The following NAV3 variants were observed in gnomAD, a reference collection of about 807,000 sequenced individuals.
NAV3 encodes the protein neuron navigator 3.
Under a neutral mutation model 244.7 loss-of-function variants are expected in NAV3, and 87 were observed. That is an observed-to-expected ratio of 0.36 (90% CI 0.30 to 0.42). The LOEUF is 0.42. Among genes scored for constraint, NAV3 ranks in the 20% least tolerant of loss-of-function variants. NAV3 has a pLI of 1.00. For synonymous variants in NAV3, 1,126 were observed against 1,042.2 expected (o/e 1.08, Z -1.55); for missense variants, 2,663 against 2,893.3 (o/e 0.92, Z 1.83).
chr12:78,112,332 T>A (rs1955139569), intron 12 of NAV3, among the ~76,000 whole-genome samples: 1 of 152,208 alleles, frequency 6.6e-6, no homozygotes, highest in South Asian at 2.1e-4. Context: ...GAATGTGAGC[T>A]TTTTATATCC....
rs1382291778 is a variant in NAV3 at position 78,006,938 on chromosome 12, A to T, written c.1400A>T (p.Glu467Val). Residue 467 changes from glutamate to valine, a missense_variant, in exon 8 of 40, where the codon GAA becomes GTA. By Grantham distance (121) the Glu-to-Val change is moderately radical. This residue lies in a region of NAV3 where 1,521 missense variants were observed against 1,497.0 expected (regional missense o/e 1.02). Transcript: ENST00000397909. The stretch of plus-strand genomic sequence containing the variant: ...AAAAAGTCTTTGCTACAGCCAAAGG[A>T]AAAAGAAGAAAAGAACAGGGACAAA... ...SNKKSLLQPK[E>V]KEEKNRDKNK... 6.2e-7 allele frequency: 1 copy of T among 1,613,808 alleles called. No individual in the cohort carries two copies. Among genetic ancestry groups the T allele is most frequent in the Non-Finnish European group, 8.5e-7 (1 of 1,179,962 alleles).
At chr12:78,033,746 C>A (rs1030350351) in intron 9 of NAV3, among the ~76,000 whole-genome samples, 2 of 152,174 alleles carry the variant, frequency 1.3e-5, no homozygotes, top group African/African-American at 2.4e-5. Context: ...CTCCATTGGA[C>A]TGAGCCCATC....
At chr12:77,992,360 T>C (rs1254687557) in intron 5 of NAV3, among the ~76,000 whole-genome samples, 1 of 152,194 alleles carries the variant, frequency 6.6e-6, no homozygotes, top group Non-Finnish European at 1.5e-5. Flanking sequence ...ATTATAGATA[T>C]TTAATTAGTA....
intron 11 of NAV3, among the ~76,000 whole-genome samples, chr12:78,054,776 G>A (rs563569912): frequency 3.6e-4 from 55 of 152,202 alleles, no homozygotes; most frequent in African/African-American, 1.3e-3. Flanking sequence ...AAATAGTACC[G>A]TTAGAGAAAA....
chr12:77,628,619 C>G (rs1260218963), intron 2 of NAV3, among the ~76,000 whole-genome samples: 5 of 152,028 alleles, frequency 3.3e-5, no homozygotes, highest in Non-Finnish European at 5.9e-5. Flanking sequence ...TGTGGTGGCT[C>G]TTGCCTGTAA....
At chr12:78,117,159 A>C (rs2694681) in intron 13 of NAV3, among the ~76,000 whole-genome samples, 1 of 12,964 alleles carries the variant, frequency 7.7e-5, no homozygotes, top group African/African-American at 3.6e-4. Flanking sequence ...CAGAAGCAGC[A>C]TATATATATA....
At chr12:77,859,758 C>CAAAAAAAAAAAAAA (rs61516625) in intron 1 of NAV3, among the ~76,000 whole-genome samples, 4 of 68,722 alleles carry the variant, frequency 5.8e-5, no homozygotes, top group Admixed American at 2.2e-4. Flanking sequence ...CTTTCAAATG[C>CAAAAAAAAAAAAAA]AAAAAAAAAA....
chr12:77,919,701 G>A (rs1887517244), intron 1 of NAV3, among the ~76,000 whole-genome samples: 1 of 151,974 alleles, frequency 6.6e-6, no homozygotes, highest in Admixed American at 6.6e-5. Context: ...GCAAACATCT[G>A]TTTCCTTATG....
At chr12:78,021,552 C>G (rs1006325909) in intron 8 of NAV3, among the ~76,000 whole-genome samples, 195 bp from the exon 9 acceptor site, 2 of 152,112 alleles carry the variant, frequency 1.3e-5, no homozygotes, top group Non-Finnish European at 2.9e-5. Flanking sequence ...AATTCCACAT[C>G]TCACTCCCAC....
At chr12:77,585,560 G>A (rs901243002) in intron 2 of NAV3, among the ~76,000 whole-genome samples, 1 of 152,172 alleles carries the variant, frequency 6.6e-6, no homozygotes, top group African/African-American at 2.4e-5. Flanking sequence ...GGATGAAACT[G>A]TTCTACCTCA....
At chr12:78,175,979 T>A (rs929891431) in intron 25 of NAV3, among the ~76,000 whole-genome samples, 2 of 151,912 alleles carry the variant, frequency 1.3e-5, no homozygotes, top group African/African-American at 4.8e-5. Flanking sequence ...AAACTCTCAT[T>A]CCACCTTTGG....
intron 1 of NAV3, among the ~76,000 whole-genome samples, chr12:77,853,838 CTGTT>C (rs1458315447): frequency 1.3e-5 from 2 of 152,182 alleles, no homozygotes; most frequent in Non-Finnish European, 2.9e-5. Context: ...AATTCTCTCT[CTGTT>C]AGTTCCACTT....
intron 2 of NAV3, among the ~76,000 whole-genome samples, chr12:77,663,522 C>CTTTTTT (rs4017472): frequency 2.2e-5 from 3 of 139,350 alleles, no homozygotes; most frequent in African/African-American, 8.0e-5. Context: ...TCTTCTTCTT[C>CTTTTTT]TTTTTTTTTT....
rs12306272 is a variant in NAV3, at chr12:77,907,896, A to T, written c.244-32423A>T. Among the ~76,000 whole-genome samples the T allele has an allele frequency of 6.1e-3, 922 of 152,198 alleles. 12 individuals are homozygous for T. The highest frequency in any genetic ancestry group is 0.021 in the African/African-American group (853 of 41,554). ...GTCTACATAACGTTACATGTGTATCACATACTTGTAAGGATGTGTGGATGT... is the reference window on the plus strand; with the variant it reads ...GTCTACATAACGTTACATGTGTATCTCATACTTGTAAGGATGTGTGGATGT... On this transcript the variant is annotated intron_variant, in intron 1 of 39. Transcript: ENST00000397909.
chr12:78,126,007 G>A (rs1955890484), intron 16 of NAV3, among the ~76,000 whole-genome samples: 1 of 151,998 alleles, frequency 6.6e-6, no homozygotes, highest in Non-Finnish European at 1.5e-5. Context: ...GTTCATATTT[G>A]GAGATTTCTC....
intron 2 of NAV3, among the ~76,000 whole-genome samples, chr12:77,742,941 A>G (rs1487158892): frequency 1.3e-5 from 2 of 152,014 alleles, no homozygotes; most frequent in Admixed American, 1.3e-4. Flanking sequence ...AATACTGTAA[A>G]CCTGAATAAT....
chr12:77,994,185 T>G (rs1871931754), intron 5 of NAV3, among the ~76,000 whole-genome samples: 2 of 152,258 alleles, frequency 1.3e-5, no homozygotes, highest in Admixed American at 1.3e-4. Flanking sequence ...ATGAAGAACT[T>G]AAGCCCACTT....
intron 9 of NAV3, among the ~76,000 whole-genome samples, chr12:78,040,051 T>C (rs1880585629): frequency 6.6e-6 from 1 of 152,160 alleles, no homozygotes; most frequent in South Asian, 2.1e-4. Flanking sequence ...ATTTTTGCTT[T>C]TATATTTAGA....
At chr12:78,124,769 T>C (rs1247642583) in intron 16 of NAV3, among the ~76,000 whole-genome samples, 1 of 152,150 alleles carries the variant, frequency 6.6e-6, no homozygotes, top group Non-Finnish European at 1.5e-5. Flanking sequence ...AGGCCAATTT[T>C]TAAAATGGGA....
Sources: allele counts gnomAD v4.1 joint callset (sites outside exome capture counted in the v4.1 genomes callset), GRCh38; gene constraint gnomAD v4.1.1; regional missense constraint gnomAD v4.1.1; transcripts MANE v1.5; gene names NCBI Gene and HGNC (gene_info 2026-07-23, HGNC 2026-07-21).